The following RAB8B variants were observed in gnomAD, a reference collection of about 807,000 sequenced individuals.
RAB8B encodes the protein RAB8B, member RAS oncogene family.
Under a neutral mutation model 32.0 loss-of-function variants are expected in RAB8B, and 11 were observed. The ratio of observed to expected loss-of-function variants is 0.34; its 90% CI spans 0.22 to 0.57. The LOEUF (loss-of-function observed/expected upper bound fraction) is 0.57, where lower values mean the gene tolerates loss of function less well. RAB8B is among the 20% of genes least tolerant of loss of function. RAB8B has a pLI of 0.86. For synonymous variants in RAB8B, 103 were observed against 89.6 expected (o/e 1.15, Z -0.85); for missense variants, 190 against 258.5 (o/e 0.73, Z 1.82).
intron 1 of RAB8B, among the ~76,000 whole-genome samples, chr15:63,192,092 G>A (rs1473049120): frequency 6.6e-6 from 1 of 152,166 alleles, no homozygotes; most frequent in African/African-American, 2.4e-5. Context: ...GGTAAAAAGA[G>A]GTGTGAGCTG....
At chr15:63,217,342 G>C (rs1354502670) in intron 1 of RAB8B, among the ~76,000 whole-genome samples, 1 of 152,104 alleles carries the variant, frequency 6.6e-6, no homozygotes, top group Non-Finnish European at 1.5e-5. Flanking sequence ...TGGAATATGG[G>C]GTTTTTCCAT....
intron 3 of RAB8B, among the ~76,000 whole-genome samples, chr15:63,249,910 G>GT (rs1322798724): frequency 6.6e-6 from 1 of 152,136 alleles, no homozygotes; most frequent in African/African-American, 2.4e-5. Context: ...GCCGAGGCGG[G>GT]TGGATCATGA....
At chr15:63,256,791 T>A (rs1050314795) in intron 5 of RAB8B, among the ~76,000 whole-genome samples, 197 bp downstream of exon 5, 5 of 152,230 alleles carry the variant, frequency 3.3e-5, no homozygotes, top group Non-Finnish European at 7.3e-5. Flanking sequence ...TACTGTGTGG[T>A]CATGACTCAT....
chr15:63,214,416 C>A (rs1180583087), intron 1 of RAB8B, among the ~76,000 whole-genome samples: 1 of 151,312 alleles, frequency 6.6e-6, no homozygotes, highest in Non-Finnish European at 1.5e-5. Flanking sequence ...CTCAGCCTCC[C>A]GGGTAGCTGG....
At chr15:63,226,966 G>T (rs1001325551) in intron 1 of RAB8B, among the ~76,000 whole-genome samples, 1 of 152,114 alleles carries the variant, frequency 6.6e-6, no homozygotes, top group Non-Finnish European at 1.5e-5. Context: ...TCTTGACATT[G>T]CCATGACATT....
At chr15:63,222,022 C>T (rs1371268931) in intron 1 of RAB8B, among the ~76,000 whole-genome samples, 1 of 152,228 alleles carries the variant, frequency 6.6e-6, no homozygotes, top group Non-Finnish European at 1.5e-5. Flanking sequence ...CCTGTTTCTC[C>T]ACCCAGGCTT....
At chr15:63,234,376 A>T (rs2037960858) in intron 1 of RAB8B, among the ~76,000 whole-genome samples, 1 of 152,218 alleles carries the variant, frequency 6.6e-6, no homozygotes, top group African/African-American at 2.4e-5. Flanking sequence ...ATATCTGTTG[A>T]CTGACTAATT....
chr15:63,245,539 T>C (rs2038064265), intron 2 of RAB8B, among the ~76,000 whole-genome samples: 1 of 152,222 alleles, frequency 6.6e-6, no homozygotes, highest in South Asian at 2.1e-4. Context: ...TTTTTAATTC[T>C]TTTTTTAATT....
In RAB8B at chr15:63,227,636, A is replaced by G. The variant is rs2037900009; in HGVS notation, c.125-17120A>G. On this transcript the variant is annotated intron_variant, in intron 1 of 7. Coordinates refer to ENST00000321437, the MANE Select transcript of RAB8B (RefSeq NM_016530.3). ...GGAAACATTCTGGCTCTGTCCACCCAGGAACCCAGAATTCTTCACCCTCTG... is the reference window on the plus strand; with the variant it reads ...GGAAACATTCTGGCTCTGTCCACCCGGGAACCCAGAATTCTTCACCCTCTG... Among the ~76,000 whole-genome samples, 3 of 152,242 alleles carry G rather than the reference A, an allele frequency of 2.0e-5. No homozygotes were observed. The South Asian group carries it at 6.2e-4, about 31-fold the overall frequency.
intron 1 of RAB8B, among the ~76,000 whole-genome samples, chr15:63,222,493 A>T (rs144263370): frequency 7.5e-4 from 115 of 152,334 alleles, no homozygotes; most frequent in African/African-American, 2.7e-3. Context: ...GATGGATCAT[A>T]TATAGGATGG....
intron 1 of RAB8B, among the ~76,000 whole-genome samples, chr15:63,221,384 A>G (rs1163946387): frequency 5.3e-5 from 8 of 152,206 alleles, no homozygotes; most frequent in Admixed American, 1.3e-4. Context: ...ATGTATTATG[A>G]TGGAAGCTAG....
chr15:63,247,524 T>C (rs1008108372), intron 2 of RAB8B, among the ~76,000 whole-genome samples: 1 of 152,144 alleles, frequency 6.6e-6, no homozygotes, highest in Non-Finnish European at 1.5e-5. Flanking sequence ...TCCTAGAAGC[T>C]GGTTTAATTT....
chr15:63,260,914 T>C (rs902936287), intron 6 of RAB8B, among the ~76,000 whole-genome samples: 1 of 152,204 alleles, frequency 6.6e-6, no homozygotes, highest in Non-Finnish European at 1.5e-5. Context: ...TATTAGCCAG[T>C]GGACACTGAT....
chr15:63,258,974 T>C (rs2038179848), intron 5 of RAB8B, among the ~76,000 whole-genome samples: 1 of 152,066 alleles, frequency 6.6e-6, no homozygotes, highest in Admixed American at 6.5e-5. Flanking sequence ...GATTTAGTTC[T>C]AGGAAGTCAA....
intron 1 of RAB8B, among the ~76,000 whole-genome samples, chr15:63,198,740 G>A (rs74709573): frequency 6.6e-6 from 1 of 152,152 alleles, no homozygotes; most frequent in African/African-American, 2.4e-5. Flanking sequence ...GGACAACTCT[G>A]AAGATATATG....
In RAB8B at chr15:63,248,064, C is replaced by T. The variant is rs929243238; in HGVS notation, c.186-1581C>T. 2.0e-5 allele frequency among the ~76,000 whole-genome samples: 3 copies of T among 152,236 alleles called. No individual in the cohort carries two copies. Among genetic ancestry groups the T allele is most frequent in the South Asian group, 2.1e-4 (1 of 4,836 alleles). ...AATATGGTTAGTCTGCTAAAAAGTG[C>T]TTGCCTTCCATTTCCCCATGATTTG... On this transcript the variant is annotated intron_variant, in intron 2 of 7. Coordinates refer to ENST00000321437, the MANE Select transcript of RAB8B (RefSeq NM_016530.3). The surrounding 1 kb of genome is among the most constrained non-coding windows in gnomAD (Gnocchi z 4.4).
chr15:63,226,589 C>T (rs891531212), intron 1 of RAB8B, among the ~76,000 whole-genome samples: 1 of 152,322 alleles, frequency 6.6e-6, no homozygotes, highest in African/African-American at 2.4e-5. Context: ...GTGATCTGTT[C>T]CTAAAATGGC....
intron 1 of RAB8B, among the ~76,000 whole-genome samples, chr15:63,216,929 GC>G (rs1194820057): frequency 2.6e-5 from 4 of 151,802 alleles, no homozygotes; most frequent in Admixed American, 6.6e-5. Flanking sequence ...TGGTATCAGT[GC>G]AGTAGTCTCT....
chr15:63,189,636 G>A lies in RAB8B; in HGVS notation c.12G>A (p.Thr4=), dbSNP rs1269026191. The change falls in exon 1 of 8, where the codon ACG becomes ACA. Residue 4 remains threonine, a synonymous_variant. Coordinates refer to ENST00000321437, the MANE Select transcript of RAB8B (RefSeq NM_016530.3). Reference sequence around the variant, plus strand: ...GCCGGAGCGAGAAGATGGCGAAGACGTACGATTATCTCTTCAAGCTCCTGC... The same window carrying A: ...GCCGGAGCGAGAAGATGGCGAAGACATACGATTATCTCTTCAAGCTCCTGC... MAK[T]YDYLFKLLLI... 2 of 1,613,792 alleles carry A rather than the reference G, an allele frequency of 1.2e-6. No homozygotes were observed. The highest frequency in any genetic ancestry group is 1.7e-5 in the Admixed American group (1 of 60,008).
Sources: allele counts gnomAD v4.1 joint callset (sites outside exome capture counted in the v4.1 genomes callset), GRCh38; gene constraint gnomAD v4.1.1; non-coding constraint Gnocchi (gnomAD v3.1); transcripts MANE v1.5; gene names NCBI Gene and HGNC (gene_info 2026-07-23, HGNC 2026-07-21).